The following KCNAB1 variants were observed in gnomAD, a reference collection of about 807,000 sequenced individuals.
KCNAB1 encodes voltage-gated potassium channel subunit beta-1.
In KCNAB1, 35 loss-of-function variants were observed where a neutral mutation model predicts 64.6. The ratio of observed to expected loss-of-function variants is 0.54; its 90% CI spans 0.41 to 0.72. The LOEUF (loss-of-function observed/expected upper bound fraction) is 0.72, where lower values mean the gene tolerates loss of function less well. KCNAB1 is among the 30% of genes least tolerant of loss of function. KCNAB1 has a pLI of 0.00. For missense variants in KCNAB1, 401 were observed against 512.9 expected (o/e 0.78, Z 2.11); for synonymous variants, 177 against 183.8 (o/e 0.96, Z 0.30).
chr3:156,538,811 TATC>T (rs1022837855), downstream of KCNAB1: 1 of 152,258 alleles, frequency 6.6e-6, no homozygotes, highest in Non-Finnish European at 1.5e-5. Flanking sequence ...AAACATATTC[TATC>T]ATCAATCAAT....
At chr3:156,524,987 A>T (rs1471088031) in intron 12 of KCNAB1, among the ~76,000 whole-genome samples, 2 of 152,116 alleles carry the variant, frequency 1.3e-5, no homozygotes, top group Admixed American at 1.3e-4. Context: ...ATGCTGGTAT[A>T]ATAAACAAGC....
At chr3:156,379,685 G>A (rs2108144466) in intron 1 of KCNAB1, among the ~76,000 whole-genome samples, 1 of 152,280 alleles carries the variant, frequency 6.6e-6, no homozygotes, top group Middle Eastern at 3.4e-3. Flanking sequence ...GACCTTGTAG[G>A]CCTTTGCATG....
At chr3:156,487,904 A>T (rs1362289745) in intron 8 of KCNAB1, among the ~76,000 whole-genome samples, 2 of 152,132 alleles carry the variant, frequency 1.3e-5, no homozygotes, top group East Asian at 3.9e-4. Context: ...GATAAAAAAA[A>T]AATAAAAAAT....
chr3:156,149,625 C>G (rs953011824), intron 1 of KCNAB1, among the ~76,000 whole-genome samples: 1 of 152,176 alleles, frequency 6.6e-6, no homozygotes, highest in African/African-American at 2.4e-5. Context: ...CCTCCCTCCT[C>G]TCATCCCCTG....
chr3:156,456,676 T>C (rs1339546511), intron 3 of KCNAB1, among the ~76,000 whole-genome samples: 2 of 152,238 alleles, frequency 1.3e-5, no homozygotes, highest in Non-Finnish European at 2.9e-5. Context: ...TTGTGAGGTG[T>C]GTAATTTTTC....
At chr3:156,275,045 A>ACTCTC (rs1719259886) in intron 1 of KCNAB1, among the ~76,000 whole-genome samples, 2 of 152,194 alleles carry the variant, frequency 1.3e-5, no homozygotes, top group South Asian at 4.1e-4. Flanking sequence ...GCTCCTGGCA[A>ACTCTC]CCATCATTCT....
At chr3:156,476,970 A>G (rs1714414229) in intron 8 of KCNAB1, among the ~76,000 whole-genome samples, 1 of 152,130 alleles carries the variant, frequency 6.6e-6, no homozygotes, top group Non-Finnish European at 1.5e-5. Flanking sequence ...AGAACATCTG[A>G]GATTTTTAAG....
chr3:156,142,275 G>A (rs181313627), intron 1 of KCNAB1, among the ~76,000 whole-genome samples: 42 of 152,266 alleles, frequency 2.8e-4, no homozygotes, highest in Non-Finnish European at 5.3e-4. Flanking sequence ...TAATTTATGA[G>A]CTTTTCCTTT....
intron 1 of KCNAB1, among the ~76,000 whole-genome samples, chr3:156,402,151 T>TAA (rs79992613): frequency 2.1e-5 from 3 of 141,868 alleles, no homozygotes; most frequent in Non-Finnish European, 4.6e-5. Flanking sequence ...AAGTATAATT[T>TAA]AAAAAAAAAA....
chr3:156,307,710 T>A (rs1721600256), intron 1 of KCNAB1, among the ~76,000 whole-genome samples: 1 of 152,198 alleles, frequency 6.6e-6, no homozygotes, highest in African/African-American at 2.4e-5. Flanking sequence ...ATGTCATTAC[T>A]CCAACCACGA....
chr3:156,167,371 C>T (rs906565106), intron 1 of KCNAB1, among the ~76,000 whole-genome samples: 28 of 152,188 alleles, frequency 1.8e-4, no homozygotes, highest in African/African-American at 6.0e-4. Context: ...AAGCCACACC[C>T]ACTACATGAC....
In KCNAB1 at chr3:156,200,680, C is replaced by A. The variant is rs1560133586; in HGVS notation, c.275+79794C>A. On this transcript the variant is annotated intron_variant, in intron 1 of 13. Transcript: ENST00000490337. The stretch of plus-strand genomic sequence containing the variant: ...CTCCCCTCACCAAGCTCGATCATCC[C>A]AGGTCAACTTCAGACTGCTGTGCTG... Among the ~76,000 whole-genome samples the A allele has an allele frequency of 2.0e-5, 3 of 152,286 alleles. No homozygotes were observed. In the East Asian group the frequency reaches 5.8e-4, roughly 29 times the overall value.
intron 2 of KCNAB1, among the ~76,000 whole-genome samples, chr3:156,443,082 T>C (rs1717122846): frequency 6.6e-6 from 1 of 152,142 alleles, no homozygotes; most frequent in Non-Finnish European, 1.5e-5. Context: ...ATGTGCAAGA[T>C]GTGCAGGTTT....
chr3:156,421,572 A>ACCTGAGG, intron 1 of KCNAB1, 44 bp from the exon 2 acceptor site: 1 of 1,597,142 alleles, frequency 6.3e-7, no homozygotes, highest in Non-Finnish European at 8.6e-7. Flanking sequence ...GTACAGTTCC[A>ACCTGAGG]CCTGAGGAAA....
intron 1 of KCNAB1, among the ~76,000 whole-genome samples, chr3:156,203,602 G>C (rs1714477699): frequency 6.6e-6 from 1 of 152,180 alleles, no homozygotes; most frequent in Admixed American, 6.5e-5. Context: ...CAGAATGCTA[G>C]GAATGCATAC....
chr3:156,376,817 A>T (rs1260584917), intron 1 of KCNAB1, among the ~76,000 whole-genome samples: 1 of 152,116 alleles, frequency 6.6e-6, no homozygotes, highest in Non-Finnish European at 1.5e-5. Flanking sequence ...TTTAATCTAG[A>T]GGAAGGAGTC....
intron 1 of KCNAB1, among the ~76,000 whole-genome samples, chr3:156,263,500 A>G (rs1280433445): frequency 6.6e-6 from 1 of 152,054 alleles, no homozygotes; most frequent in Non-Finnish European, 1.5e-5. Flanking sequence ...TTTTTATAGC[A>G]TGAACCCTTT....
intron 1 of KCNAB1, among the ~76,000 whole-genome samples, chr3:156,353,059 G>A (rs1724962501): frequency 6.6e-6 from 1 of 152,214 alleles, no homozygotes; most frequent in African/African-American, 2.4e-5. Context: ...GATTATTGTA[G>A]CACATACCAA....
chr3:156,178,985 A>G (rs1315344873), intron 1 of KCNAB1, among the ~76,000 whole-genome samples: 1 of 140,206 alleles, frequency 7.1e-6, no homozygotes, highest in Non-Finnish European at 1.5e-5. Context: ...TGGGAGACAC[A>G]GCGAGACTCC....
Sources: gnomAD v4.1 joint callset for allele counts (sites outside exome capture counted in the v4.1 genomes callset) on GRCh38, gnomAD v4.1.1 for gene constraint, MANE v1.5 for transcripts, NCBI Gene and HGNC (gene_info 2026-07-23, HGNC 2026-07-21) for gene names.